Variants in PPARGC1A observed in about 807,000 individuals in gnomAD.
The protein encoded by PPARGC1A is PPARG coactivator 1 alpha.
In PPARGC1A, 25 loss-of-function variants were observed where a neutral mutation model predicts 88.7. The ratio of observed to expected loss-of-function variants is 0.28; its 90% confidence interval spans 0.21 to 0.39. The LOEUF is 0.39. PPARGC1A is among the 10% of genes least tolerant of loss of function. PPARGC1A has a pLI of 1.00. For missense variants in PPARGC1A, 880 were observed against 968.7 expected (o/e 0.91, Z 1.22); for synonymous variants, 363 against 355.6 (o/e 1.02, Z -0.24).
At chr4:24,436,871 A>G in the PPARGC1A span, among the ~76,000 whole-genome samples, 58 of 105,256 alleles carry the variant, frequency 5.5e-4, no homozygotes, top group African/African-American at 1.4e-3. Context: ...TCACAGAGCT[A>G]ATATCTATTG....
Position 23,850,708 on chromosome 4 carries a change from C to T in PPARGC1A, c.235-18957G>A, listed in dbSNP as rs558012581. On this transcript the variant is annotated intron_variant, in intron 2 of 12. Coordinates refer to ENST00000264867, the MANE Select transcript of PPARGC1A (RefSeq NM_013261.5). ...ATACTGTCAAGCCCTTTCCACACGC[C>T]GCTTCCTTTTATCTTCATAGTGATA... 5.1e-4 allele frequency among the ~76,000 whole-genome samples: 78 copies of T among 152,272 alleles called. No individual in the cohort carries two copies. In the Middle Eastern group the frequency reaches 0.014, roughly 27 times the overall value.
At chr4:24,244,295 T>G in the PPARGC1A span, among the ~76,000 whole-genome samples, 1 of 152,208 alleles carries the variant, frequency 6.6e-6, no homozygotes, top group African/African-American at 2.4e-5. Context: ...TTTCTCTACA[T>G]GTTAAAGTTG....
chr4:24,459,800 AAAC>A, the PPARGC1A span, among the ~76,000 whole-genome samples: 1 of 152,194 alleles, frequency 6.6e-6, no homozygotes, highest in Non-Finnish European at 1.5e-5. Context: ...AAAAATAAAC[AAAC>A]AACAACAAAA....
chr4:23,963,680 C>G, the PPARGC1A span, among the ~76,000 whole-genome samples: 3 of 152,080 alleles, frequency 2.0e-5, no homozygotes, highest in African/African-American at 7.2e-5. Context: ...TTCCCTTCAC[C>G]CTCTGGTCAG....
chr4:24,447,621 C>T, the PPARGC1A span, among the ~76,000 whole-genome samples: 1 of 152,236 alleles, frequency 6.6e-6, no homozygotes, highest in East Asian at 1.9e-4. Context: ...CGTCATGCAT[C>T]TGCTGTCCAG....
the PPARGC1A span, among the ~76,000 whole-genome samples, chr4:24,097,128 G>T: frequency 6.6e-6 from 1 of 152,098 alleles, no homozygotes; most frequent in Non-Finnish European, 1.5e-5. Flanking sequence ...GGTTAAGACC[G>T]CATTGTAAGA....
chr4:23,846,956 G>T (rs1219573762), intron 2 of PPARGC1A, among the ~76,000 whole-genome samples: 1 of 152,118 alleles, frequency 6.6e-6, no homozygotes, highest in Non-Finnish European at 1.5e-5. Flanking sequence ...GTTTTCTTCT[G>T]ACTCTTACAG....
chr4:23,993,344 A>C, the PPARGC1A span, among the ~76,000 whole-genome samples: 1 of 152,278 alleles, frequency 6.6e-6, no homozygotes, highest in Admixed American at 6.6e-5. Context: ...TGTATAGAGA[A>C]GATGACAAAT....
chr4:24,049,290 GTGTATATATATA>G, the PPARGC1A span, among the ~76,000 whole-genome samples: 1 of 97,964 alleles, frequency 1.0e-5, no homozygotes, highest in African/African-American at 3.3e-5. Context: ...ATATATATGT[GTGTATATATATA>G]TGTGTGTATA....
At chr4:24,393,418 A>G in the PPARGC1A span, among the ~76,000 whole-genome samples, 1 of 152,234 alleles carries the variant, frequency 6.6e-6, no homozygotes, top group African/African-American at 2.4e-5. Context: ...ACACAGGCAT[A>G]TGAATATAGC....
chr4:23,804,642 C>A (rs1203055657), intron 10 of PPARGC1A, among the ~76,000 whole-genome samples: 1 of 152,168 alleles, frequency 6.6e-6, no homozygotes, highest in Non-Finnish European at 1.5e-5. Flanking sequence ...ATGGTCTGGG[C>A]CTGTTGTCAT....
At chr4:24,177,906 T>C in the PPARGC1A span, among the ~76,000 whole-genome samples, 3 of 152,206 alleles carry the variant, frequency 2.0e-5, no homozygotes, top group East Asian at 1.9e-4. Context: ...TGTGGAATTA[T>C]GCAGATTCTG....
chr4:24,163,137 T>G, the PPARGC1A span, among the ~76,000 whole-genome samples: 2 of 149,082 alleles, frequency 1.3e-5, no homozygotes, highest in Admixed American at 1.3e-4. Flanking sequence ...ATCTGATGAT[T>G]TGAATGCTCC....
chr4:23,933,825 C>G, the PPARGC1A span, among the ~76,000 whole-genome samples: 1 of 152,236 alleles, frequency 6.6e-6, no homozygotes, highest in Non-Finnish European at 1.5e-5. Flanking sequence ...CTGCCAGCCA[C>G]TCATCCGCCC....
the PPARGC1A span, among the ~76,000 whole-genome samples, chr4:24,463,329 T>A: frequency 3.0e-4 from 45 of 152,340 alleles, no homozygotes; most frequent in African/African-American, 1.1e-3. Flanking sequence ...CCACTTTTCC[T>A]TTTTTACTGC....
chr4:24,172,091 T>C, the PPARGC1A span, among the ~76,000 whole-genome samples: 3 of 152,096 alleles, frequency 2.0e-5, no homozygotes, highest in African/African-American at 7.2e-5. Context: ...AGTCCTCTAC[T>C]ATGGCAAAAA....
the PPARGC1A span, among the ~76,000 whole-genome samples, chr4:24,444,928 C>A: frequency 6.6e-6 from 1 of 152,100 alleles, no homozygotes; most frequent in Non-Finnish European, 1.5e-5. Flanking sequence ...TGGCGCACAC[C>A]TGTAGTCCCA....
chr4:23,910,853 A>G, the PPARGC1A span, among the ~76,000 whole-genome samples: 1 of 152,100 alleles, frequency 6.6e-6, no homozygotes, highest in Non-Finnish European at 1.5e-5. Context: ...CAGAGAATTA[A>G]GTAACTTGCT....
the PPARGC1A span, chr4:24,091,353 G>T: frequency 5.4e-5 from 43 of 797,934 alleles, no homozygotes; most frequent in Non-Finnish European, 6.2e-5. Flanking sequence ...TTTTCAAAAG[G>T]ACGTGCTTGC....
Sources: allele counts gnomAD v4.1 joint callset (sites outside exome capture counted in the v4.1 genomes callset), GRCh38; gene constraint gnomAD v4.1.1; transcripts MANE v1.5; gene names NCBI Gene and HGNC (gene_info 2026-07-23, HGNC 2026-07-21).